The following PTPA variants were observed in gnomAD, a reference collection of about 807,000 sequenced individuals.
PTPA encodes protein phosphatase 2 phosphatase activator.
PTPA carries 13 observed loss-of-function variants against 43.6 expected under a neutral mutation model. The ratio of observed to expected loss-of-function variants is 0.30; its 90% confidence interval spans 0.19 to 0.47. The LOEUF (loss-of-function observed/expected upper bound fraction) is 0.47. Ranked by LOEUF, PTPA falls within the 20% of genes least tolerant of loss-of-function variation. The probability of loss-of-function intolerance (pLI) is 0.99; values close to 1 mark genes in which losing one functional copy is unlikely to be tolerated. For missense variants in PTPA, 329 were observed against 411.9 expected, an observed-to-expected ratio of 0.80 and a Z score of 1.74; for synonymous variants, 172 against 158.2, an observed-to-expected ratio of 1.09 and a Z score of -0.66.
rs181741215 is a variant in PTPA at position 129,120,737 on chromosome 9, G to T, written c.129+127G>T. ...TGACTTTTCAGAAGCTAGGGAGAAA[G>T]GTGACAGGGGAGCTGGCTGTCTCTT... On this transcript the variant is annotated intron_variant, in intron 2 of 9. Coordinates refer to ENST00000393370, the MANE Select transcript of PTPA (RefSeq NM_178000.3). 1.5e-3 allele frequency: 1,072 copies of T among 738,032 alleles called. 7 individuals carry two copies. The highest frequency in any genetic ancestry group is 6.8e-3 in the Middle Eastern group (23 of 3,382). 45.7% of individuals were successfully genotyped at this position (738,032 alleles called of 1,614,324 possible).
At chr9:129,128,852 A>G (rs1849757246) in intron 3 of PTPA, 133 bp from the exon 4 acceptor site, 2 of 1,084,294 alleles carry the variant, frequency 1.8e-6, no homozygotes, top group South Asian at 3.0e-5. Flanking sequence ...AGTGGGGAAG[A>G]AAGAGGGATG....
At chr9:129,138,163 T>G in intron 8 of PTPA, 3 of 220,504 alleles carry the variant, frequency 1.4e-5, no homozygotes, top group Non-Finnish European at 2.8e-5. Flanking sequence ...TGTCAGTGCC[T>G]GAGGACGTGG....
intron 1 of PTPA, among the ~76,000 whole-genome samples, chr9:129,117,791 A>T (rs1588486449): frequency 7.0e-6 from 1 of 141,916 alleles, no homozygotes; most frequent in South Asian, 2.3e-4. Context: ...CTGCCTCCCC[A>T]GTTCAAGCGA....
chr9:129,119,944 G>C (rs1057253631), intron 1 of PTPA, among the ~76,000 whole-genome samples: 2 of 152,042 alleles, frequency 1.3e-5, no homozygotes, highest in Admixed American at 6.6e-5. Flanking sequence ...CTAAGGCTCA[G>C]GTGTTGGAGT....
At chr9:129,143,374 G>A (rs1265411975) in intron 9 of PTPA, 1 of 703,096 alleles carries the variant, frequency 1.4e-6, no homozygotes, top group Admixed American at 2.0e-5. Context: ...TCTGTTCTCA[G>A]GCTGGCCCTT....
At chr9:129,137,852 C>G (rs1243924896) in intron 8 of PTPA, 160 bp downstream of exon 8, 3 of 696,496 alleles carry the variant, frequency 4.3e-6, no homozygotes, top group Admixed American at 2.2e-5. Flanking sequence ...TGGGCCTCTT[C>G]CGAAAGAGCC....
chr9:129,116,348 CTAATTTTTTTTG>C (rs1848864537), intron 1 of PTPA, among the ~76,000 whole-genome samples: 1 of 81,346 alleles, frequency 1.2e-5, no homozygotes, highest in Non-Finnish European at 3.1e-5. Flanking sequence ...CCTCGCCCAG[CTAATTTTTTTTG>C]TATTTTTAGT....
intron 9 of PTPA, among the ~76,000 whole-genome samples, chr9:129,146,806 G>A (rs1536549): frequency 6.6e-6 from 1 of 152,250 alleles, no homozygotes; most frequent in Non-Finnish European, 1.5e-5. Context: ...GGCCTCCCCC[G>A]TGCTCAGCCA....
Position 129,134,899 on chromosome 9 carries a change from GAGAA to G in PTPA, c.560+8_560+11del. On this transcript the variant is annotated splice_donor_region_variant and intron_variant, in intron 6 of 9. Coordinates refer to ENST00000393370, the MANE Select transcript of PTPA (RefSeq NM_178000.3). ...TGTCTTCAAGGTGTTCAATCGGTGA[GAGAA>G]AGGACAGGAGGGTTGGAGGAGGGGG... 6.2e-7 allele frequency: 1 copy of G among 1,610,204 alleles called. No homozygotes were observed. Among genetic ancestry groups the G allele is most frequent in the East Asian group, 2.2e-5 (1 of 44,862 alleles).
chr9:129,147,358 C>T (rs1036966409), intron 9 of PTPA, 29 bp from the exon 10 acceptor site: 2 of 1,610,548 alleles, frequency 1.2e-6, no homozygotes, highest in Non-Finnish European at 1.7e-6. Flanking sequence ...TGGCCCTCAC[C>T]ACTCTGCTCA....
intron 8 of PTPA, among the ~76,000 whole-genome samples, chr9:129,139,819 C>T (rs1588527927): frequency 6.6e-6 from 1 of 152,010 alleles, no homozygotes; most frequent in African/African-American, 2.4e-5. Context: ...AATCAGGCAG[C>T]CCTTTCAGGG....
Position 129,138,407 on chromosome 9 carries a change from C to G in PTPA, c.786+715C>G, listed in dbSNP as rs1588524613. On this transcript the variant is annotated intron_variant, in intron 8 of 9. Transcript: ENST00000393370. ...CATCAGAATCTTAGGGGACAAGAGC[C>G]AGGAACCTGCATCTAAACACACGTG... Among the ~76,000 whole-genome samples the G allele has an allele frequency of 2.6e-5, 4 of 152,332 alleles. No homozygotes were observed. The Middle Eastern group carries it at 0.01, about 389-fold the overall frequency.
Position 129,111,634 on chromosome 9 carries a change from A to G in PTPA, c.31+3A>G. 1 of 1,276,716 alleles carries G rather than the reference A, an allele frequency of 7.8e-7. No homozygotes were observed. Among genetic ancestry groups the G allele is most frequent in the Non-Finnish European group, 1.0e-6 (1 of 1,003,582 alleles). The allele number at this position is 1,276,716 out of a possible 1,614,324, so 79.1% of individuals were successfully genotyped here. A position where few individuals can be genotyped will look rare whatever the true frequency, so the allele number is the denominator to read the frequency against. Reference sequence around the variant, plus strand: ...GGGCGAGCGGCAGCCGCCGCCAGGTAAGGCCGGCGGGGCCAGGCCGGGCCG... The same window carrying G: ...GGGCGAGCGGCAGCCGCCGCCAGGTGAGGCCGGCGGGGCCAGGCCGGGCCG... On this transcript the variant is annotated splice_donor_region_variant and intron_variant, in intron 1 of 9. Coordinates refer to ENST00000393370, the MANE Select transcript of PTPA (RefSeq NM_178000.3).
rs138284002 is a variant in PTPA at position 129,123,177 on chromosome 9, A to G, written c.216+39A>G. 954 of 1,531,598 alleles carry G rather than the reference A, an allele frequency of 6.2e-4. 25 individuals are homozygous for G. The East Asian group carries it at 0.021, about 34-fold the overall frequency. 94.9% of individuals were successfully genotyped at this position (1,531,598 alleles called of 1,614,324 possible). A position where few individuals can be genotyped will look rare whatever the true frequency, so the allele number is the denominator to read the frequency against. ...GGAGCTGCTGCAGCAGCCTTTCCAA[A>G]AATAGCTCCAGAGTCACTGGGTGCG... is the stretch of plus-strand genomic sequence containing the variant. On this transcript the variant is annotated intron_variant, in intron 3 of 9. Transcript: ENST00000393370.
chr9:129,134,658 G>C, intron 5 of PTPA, 137 bp from the exon 6 acceptor site: 1 of 644,090 alleles, frequency 1.6e-6, no homozygotes, highest in Non-Finnish European at 2.7e-6. Context: ...TTTCTGAATG[G>C]GGAAGAGGTC....
At chr9:129,137,111 G>A (rs1344619019) in intron 7 of PTPA, among the ~76,000 whole-genome samples, 1 of 152,216 alleles carries the variant, frequency 6.6e-6, no homozygotes, top group Non-Finnish European at 1.5e-5. Flanking sequence ...TTTCAGGATG[G>A]GCGTAGGTGA....
intron 1 of PTPA, among the ~76,000 whole-genome samples, chr9:129,119,953 G>A (rs1478306160): frequency 6.6e-6 from 1 of 152,050 alleles, no homozygotes; most frequent in African/African-American, 2.4e-5. Context: ...AGGTGTTGGA[G>A]TCCTGGTTTA....
At chr9:129,133,203 C>T (rs1319392183) in intron 5 of PTPA, among the ~76,000 whole-genome samples, 1 of 152,218 alleles carries the variant, frequency 6.6e-6, no homozygotes, top group Non-Finnish European at 1.5e-5. Flanking sequence ...GCAGATGGGG[C>T]ACCGCTCAGC....
At chr9:129,123,828 C>T (rs1564188227) in intron 3 of PTPA, among the ~76,000 whole-genome samples, 3 of 152,046 alleles carry the variant, frequency 2.0e-5, no homozygotes, top group East Asian at 3.9e-4. Flanking sequence ...GGATTACAGG[C>T]GTGTGCCACC....
Sources: allele counts gnomAD v4.1 joint callset (sites outside exome capture counted in the v4.1 genomes callset), GRCh38; gene constraint gnomAD v4.1.1; transcripts MANE v1.5; gene names NCBI Gene and HGNC (gene_info 2026-07-23, HGNC 2026-07-21).